The following SUMF2 variants were observed in gnomAD, a reference collection of about 807,000 sequenced individuals.
SUMF2 encodes sulfatase modifying factor 2.
In SUMF2, 45 loss-of-function variants were observed where a neutral mutation model predicts 44.8. The ratio of observed to expected loss-of-function variants is 1.00; its 90% CI spans 0.79 to 1.29. SUMF2 has a LOEUF of 1.29. Among genes scored for constraint, SUMF2 ranks in the 50% most tolerant of loss-of-function variants. The pLI is 0.00. For synonymous variants in SUMF2, 148 were observed against 150.4 expected, an observed-to-expected ratio of 0.98 and a Z score of 0.12; for missense variants, 418 against 389.9, an observed-to-expected ratio of 1.07 and a Z score of -0.61.
chr7:56,082,371 T>C, downstream of SUMF2: 1 of 704,198 alleles, frequency 1.4e-6, no homozygotes, highest in Non-Finnish European at 2.4e-6. Context: ...GGCAGGTGGC[T>C]CATCTGAGGC....
downstream of SUMF2, chr7:56,083,523 A>G (rs1037105866): frequency 1.9e-5 from 29 of 1,549,356 alleles, no homozygotes; most frequent in Non-Finnish European, 2.6e-5. Context: ...CATTTCAGCC[A>G]CACTGCAAGG....
At chr7:56,082,254 C>A (rs781216239), downstream of SUMF2, 1 of 1,612,390 alleles carries the variant, frequency 6.2e-7, no homozygotes, top group South Asian at 1.1e-5. Context: ...CCGCAGACCT[C>A]TGCAGGAACA....
downstream of SUMF2, among the ~76,000 whole-genome samples, chr7:56,082,643 AT>A (rs1332269624): frequency 6.6e-6 from 1 of 152,070 alleles, no homozygotes; most frequent in East Asian, 1.9e-4. Flanking sequence ...TGGAACAGAA[AT>A]GGCGCTCGGG....
chr7:56,073,258 G>T, intron 3 of SUMF2, 147 bp downstream of exon 3: 1 of 710,600 alleles, frequency 1.4e-6, no homozygotes, highest in South Asian at 1.5e-5. Flanking sequence ...ACCATGGAGC[G>T]TCAGATCAGT....
At chr7:56,072,513 A>G (rs1395291160) in intron 2 of SUMF2, among the ~76,000 whole-genome samples, 1 of 152,020 alleles carries the variant, frequency 6.6e-6, no homozygotes, top group Non-Finnish European at 1.5e-5. Context: ...TCACTAGGTC[A>G]GGAGTTCGAG....
At chr7:56,074,014 CAAAAAAAAAAAAAAA>C (rs56927689) in intron 3 of SUMF2, 145 bp from the exon 4 acceptor site, 33 of 320,894 alleles carry the variant, frequency 1.0e-4, no homozygotes, top group African/African-American at 8.7e-4. Flanking sequence ...GATCTTGTCT[CAAAAAAAAAAAAAAA>C]AAAAAAAAAA....
chr7:56,080,998 T>A, downstream of SUMF2: 1 of 1,598,740 alleles, frequency 6.3e-7, no homozygotes, highest in Non-Finnish European at 8.5e-7. Flanking sequence ...TTGACTTGTA[T>A]TTCCATGGCT....
rs750394818 is a variant in SUMF2 at position 56,079,707 on chromosome 7, G to A, written c.*95G>A. On this transcript the variant is annotated 3_prime_UTR_variant, in exon 9 of 9. Coordinates refer to ENST00000434526, the MANE Select transcript of SUMF2 (RefSeq NM_015411.4). The stretch of plus-strand genomic sequence containing the variant: ...CGCAATTCCAAGCTCGAGAGCTTCA[G>A]CCTCAGGAAAGAACTTCCCCTTCCC... 3.1e-6 allele frequency: 5 copies of A among 1,611,056 alleles called. No individual in the cohort carries two copies. The highest frequency in any genetic ancestry group is 1.3e-5 in the African/African-American group (1 of 74,986).
At chr7:56,079,131 C>T (rs1795797245) in intron 8 of SUMF2, 1 of 479,294 alleles carries the variant, frequency 2.1e-6, no homozygotes, top group Admixed American at 3.5e-5. Context: ...GCCTTGGCCT[C>T]CCAGAATGCT....
rs1313536768 is a variant in SUMF2, at chr7:56,079,408, C to T, written c.822-120C>T. 6.0e-6 allele frequency: 6 copies of T among 1,005,770 alleles called. No homozygotes were observed. The Admixed American group carries it at 1.4e-4, about 23-fold the overall frequency. 62.3% of individuals were successfully genotyped at this position (1,005,770 alleles called of 1,614,324 possible). A position where few individuals can be genotyped will look rare whatever the true frequency, so the allele number is the denominator to read the frequency against. ...ACCAGGCTTCTTTCCAGACCATGCTCTCCCCAGCCCTCATGCTCCCTGATC... is the reference window on the plus strand; with the variant it reads ...ACCAGGCTTCTTTCCAGACCATGCTTTCCCCAGCCCTCATGCTCCCTGATC... On this transcript the variant is annotated intron_variant, in intron 8 of 8. Coordinates refer to ENST00000434526, the MANE Select transcript of SUMF2 (RefSeq NM_015411.4).
chr7:56,081,929 G>A (rs529818565), downstream of SUMF2: 38 of 1,613,734 alleles, frequency 2.4e-5, 1 homozygote, highest in South Asian at 2.6e-4. This position sits in a 1 kb window ranked among gnomAD's most constrained non-coding sequence, Gnocchi z 4.6. Flanking sequence ...CATCCCACTC[G>A]GGCGAGCCAA....
At chr7:56,072,205 C>T (rs1469430728) in intron 2 of SUMF2, among the ~76,000 whole-genome samples, 1 of 150,478 alleles carries the variant, frequency 6.6e-6, no homozygotes, top group African/African-American at 2.5e-5. Context: ...TTGGGTGGAT[C>T]ACCTGAAGTT....
At chr7:56,068,719 T>C in intron 2 of SUMF2, 81 bp downstream of exon 2, 1 of 1,486,528 alleles carries the variant, frequency 6.7e-7, no homozygotes, top group Non-Finnish European at 9.0e-7. Flanking sequence ...TTTTTTGTTT[T>C]TTGAGACTGA....
chr7:56,073,216 A>C (rs1483150297), intron 3 of SUMF2, 105 bp downstream of exon 3: 2 of 854,016 alleles, frequency 2.3e-6, no homozygotes, highest in Non-Finnish European at 3.9e-6. Flanking sequence ...CAGACCTGAG[A>C]GGTGGAGGCA....
At chr7:56,065,017 C>G (rs985366294) in intron 1 of SUMF2, among the ~76,000 whole-genome samples, 5 of 150,540 alleles carry the variant, frequency 3.3e-5, no homozygotes, top group African/African-American at 1.2e-4. Flanking sequence ...ACAGTGAAAC[C>G]CCGTCTCTAC....
intron 4 of SUMF2, 136 bp downstream of exon 4, chr7:56,074,354 T>C: frequency 1.8e-6 from 2 of 1,084,912 alleles, no homozygotes; most frequent in Non-Finnish European, 2.7e-6. Context: ...GGGAAAGCGC[T>C]CAGCAGGCCT....
chr7:56,073,252 T>C, intron 3 of SUMF2, 141 bp downstream of exon 3: 1 of 722,208 alleles, frequency 1.4e-6, no homozygotes, highest in Non-Finnish European at 2.5e-6. Flanking sequence ...AAACTCACCA[T>C]GGAGCGTCAG....
the SUMF2 span, chr7:56,087,454 A>G: frequency 1.4e-6 from 1 of 726,028 alleles, no homozygotes; most frequent in South Asian, 1.7e-5. Context: ...GACCCCTTCT[A>G]TCAGAGCAGT....
chr7:56,085,835 A>G, the SUMF2 span, among the ~76,000 whole-genome samples: 37 of 152,144 alleles, frequency 2.4e-4, no homozygotes, highest in African/African-American at 8.2e-4. Flanking sequence ...TTTGCTGGGC[A>G]TGGTGGTGGG....
Sources: gnomAD v4.1 joint callset for allele counts (sites outside exome capture counted in the v4.1 genomes callset) on GRCh38, gnomAD v4.1.1 for gene constraint, Gnocchi (gnomAD v3.1) non-coding constraint, MANE v1.5 for transcripts, NCBI Gene and HGNC (gene_info 2026-07-23, HGNC 2026-07-21) for gene names.